The following RSPO2 variants were observed in gnomAD, a reference collection of about 807,000 sequenced individuals.
The protein encoded by RSPO2 is R-spondin 2, also known as R-spondin-2.
RSPO2 carries 14 observed loss-of-function variants against 30.9 expected under a neutral mutation model. The observed-to-expected ratio is 0.45, with a 90% CI of 0.30 to 0.71. RSPO2 has a LOEUF of 0.71. Ranked by LOEUF, RSPO2 falls within the 30% of genes least tolerant of loss-of-function variation. The probability of loss-of-function intolerance (pLI) is 0.08; values close to 1 mark genes in which losing one functional copy is unlikely to be tolerated. For missense variants in RSPO2, 264 were observed against 301.9 expected (o/e 0.87, Z 0.93); for synonymous variants, 107 against 96.4 (o/e 1.11, Z -0.64).
intron 5 of RSPO2, among the ~76,000 whole-genome samples, chr8:107,901,820 G>A (rs1239008480): frequency 6.6e-6 from 1 of 152,150 alleles, no homozygotes; most frequent in Non-Finnish European, 1.5e-5. Context: ...CAAGAAGAAT[G>A]CTTATTTGTT....
At chr8:107,983,575 C>T in intron 3 of RSPO2, 1 of 1,599,196 alleles carries the variant, frequency 6.3e-7, no homozygotes, top group Non-Finnish European at 8.6e-7. Context: ...GCCAGCAGAG[C>T]CATGTATTGG....
At chr8:107,945,566 T>C (rs927211284) in intron 5 of RSPO2, among the ~76,000 whole-genome samples, 1 of 152,132 alleles carries the variant, frequency 6.6e-6, no homozygotes, top group Non-Finnish European at 1.5e-5. Context: ...CTTATTTCTA[T>C]TGTATGCCCC....
intron 3 of RSPO2, among the ~76,000 whole-genome samples, chr8:107,965,648 T>G (rs1813777920): frequency 6.6e-6 from 1 of 152,066 alleles, no homozygotes. Context: ...AGTTTTTTTT[T>G]TTTCCAATCT....
intron 3 of RSPO2, among the ~76,000 whole-genome samples, chr8:107,970,580 A>G (rs900902115): frequency 1.3e-5 from 2 of 152,244 alleles, no homozygotes; most frequent in African/African-American, 4.8e-5. Context: ...TCAGATAAGC[A>G]TGAGGATGCT....
chr8:108,002,246 T>C (rs1166837157), intron 2 of RSPO2, among the ~76,000 whole-genome samples: 4 of 152,156 alleles, frequency 2.6e-5, no homozygotes, highest in Non-Finnish European at 5.9e-5. Context: ...TTATGAAGAT[T>C]GCAAAACCAC....
intron 3 of RSPO2, among the ~76,000 whole-genome samples, chr8:107,974,841 T>TACACACACACACACAC (rs750816937): frequency 1.1e-5 from 1 of 94,320 alleles, no homozygotes; most frequent in South Asian, 3.5e-4. Context: ...AACACACACA[T>TACACACACACACACAC]ACACATACAC....
chr8:107,990,181 A>G (rs1473933338), intron 2 of RSPO2, among the ~76,000 whole-genome samples: 1 of 152,214 alleles, frequency 6.6e-6, no homozygotes, highest in African/African-American at 2.4e-5. Flanking sequence ...GGTAGAAGAG[A>G]ATGACATAAC....
At chr8:107,959,081 C>A (rs937257231) in intron 4 of RSPO2, among the ~76,000 whole-genome samples, 2 of 152,144 alleles carry the variant, frequency 1.3e-5, no homozygotes, top group Non-Finnish European at 2.9e-5. Flanking sequence ...TGACAGAAGA[C>A]AAAATTTTAC....
chr8:107,927,748 C>T (rs1812428298), intron 5 of RSPO2, among the ~76,000 whole-genome samples: 2 of 152,098 alleles, frequency 1.3e-5, no homozygotes, highest in Middle Eastern at 3.2e-3. Context: ...GGATGAATCC[C>T]ACTTGATCAT....
At position 107,956,811 on chromosome 8, in the gene RSPO2, G is replaced by A. The variant is rs371837047; in HGVS notation, c.616+1269C>T. Among the ~76,000 whole-genome samples the A allele has an allele frequency of 1.6e-4, 25 of 152,268 alleles. 1 individual carries two copies. The East Asian group carries it at 3.5e-3, about 21-fold the overall frequency. On this transcript the variant is annotated intron_variant, in intron 5 of 5. Coordinates refer to ENST00000276659, the MANE Select transcript of RSPO2 (RefSeq NM_178565.5). Reference sequence around the variant, plus strand: ...ACATCAAGTTTGTTTTTAGGGAGAAGGTTGCAGGTTAAATGCTCTCAGCTA... The same window carrying A: ...ACATCAAGTTTGTTTTTAGGGAGAAAGTTGCAGGTTAAATGCTCTCAGCTA...
At chr8:107,955,402 G>A (rs1813390331) in intron 5 of RSPO2, among the ~76,000 whole-genome samples, 1 of 152,032 alleles carries the variant, frequency 6.6e-6, no homozygotes, top group African/African-American at 2.4e-5. Flanking sequence ...TCCAGACCAG[G>A]ACCCTGAAGA....
intron 2 of RSPO2, among the ~76,000 whole-genome samples, chr8:108,065,601 A>G (rs1812641095): frequency 6.6e-6 from 1 of 152,050 alleles, no homozygotes. Flanking sequence ...TTTTAAATGA[A>G]TAAAGGAAAG....
intron 3 of RSPO2, among the ~76,000 whole-genome samples, chr8:107,988,426 G>GTT (rs71562167): frequency 3.0e-4 from 43 of 143,502 alleles, no homozygotes; most frequent in African/African-American, 4.8e-4. Context: ...TTCCTTTGTG[G>GTT]TTTTTTTTTT....
At chr8:107,908,100 C>T (rs1182191242) in intron 5 of RSPO2, among the ~76,000 whole-genome samples, 5 of 152,058 alleles carry the variant, frequency 3.3e-5, no homozygotes, top group Non-Finnish European at 5.9e-5. Context: ...CTGTATTTAC[C>T]AGTACGGTTT....
Position 107,899,357 on chromosome 8 carries a change from A to T in RSPO2, c.*1718T>A, listed in dbSNP as rs1428442340. On this transcript the variant is annotated 3_prime_UTR_variant, in exon 6 of 6. Coordinates refer to ENST00000276659, the MANE Select transcript of RSPO2 (RefSeq NM_178565.5). ...AATGCACAAAAAAGAACATCCCAGG[A>T]ACAACAGGTATTGACTTATTAACGA... 6 of 152,750 alleles carry T rather than the reference A, an allele frequency of 3.9e-5. No homozygotes were observed. The East Asian group carries it at 1.2e-3, about 29-fold the overall frequency. 9.5% of individuals were successfully genotyped at this position (152,750 alleles called of 1,614,324 possible).
chr8:107,967,358 C>T (rs183897401), intron 3 of RSPO2, among the ~76,000 whole-genome samples: 1 of 152,172 alleles, frequency 6.6e-6, no homozygotes, highest in East Asian at 1.9e-4. Context: ...TTATAAATAT[C>T]CCAAGTTTTA....
At chr8:108,043,163 G>A (rs1434524) in intron 2 of RSPO2, among the ~76,000 whole-genome samples, 2,509 of 152,248 alleles carry the variant, frequency 0.016, 68 homozygotes, top group African/African-American at 0.056. Context: ...AGCAATTATG[G>A]AACAGCAAGT....
chr8:107,989,377 C>G, intron 2 of RSPO2, 133 bp from the exon 3 acceptor site: 1 of 592,228 alleles, frequency 1.7e-6, no homozygotes. Flanking sequence ...AAATATCCCT[C>G]CCCTTCTTCC....
chr8:107,915,624 T>C (rs1811957395), intron 5 of RSPO2, among the ~76,000 whole-genome samples: 1 of 151,918 alleles, frequency 6.6e-6, no homozygotes, highest in African/African-American at 2.4e-5. Flanking sequence ...ATATGTGGAG[T>C]GGATCTCAGA....
Sources: gnomAD v4.1 joint callset for allele counts (sites outside exome capture counted in the v4.1 genomes callset) on GRCh38, gnomAD v4.1.1 for gene constraint, MANE v1.5 for transcripts, NCBI Gene and HGNC (gene_info 2026-07-23, HGNC 2026-07-21) for gene names.